PAK3: variants seen among roughly 807,000 people sequenced by gnomAD.
The protein encoded by PAK3 is p21 (RAC1) activated kinase 3, also known as serine/threonine-protein kinase PAK 3.
A neutral mutation model predicts 41.0 loss-of-function variants in PAK3; 4 were observed. That is an observed-to-expected ratio of 0.10 (90% CI 0.05 to 0.22). The LOEUF is 0.22. Among genes scored for constraint, PAK3 ranks in the 10% least tolerant of loss-of-function variants. PAK3 has a pLI of 1.00. For missense variants in PAK3, 205 were observed against 409.9 expected (o/e 0.50, Z 4.32); for synonymous variants, 146 against 139.6 (o/e 1.05, Z -0.32).
Position 111,217,863 on chromosome X carries a change from T to G in PAK3, c.1545+1305T>G, listed in dbSNP as rs192957496. Among the ~76,000 whole-genome samples the G allele has an allele frequency of 3.7e-3, 412 of 112,417 alleles. 3 individuals carry two copies. The highest frequency in any genetic ancestry group is 5.0e-3 in the Non-Finnish European group (267 of 53,308). On this transcript the variant is annotated intron_variant, in intron 17 of 17. Coordinates refer to ENST00000372007, the MANE Select transcript of PAK3 (RefSeq NM_002578.5). ...TCTTATATCTTCTTGTAAGGATAAT[T>G]GAAGGTGTAGGTTATCTTCAATTGG...
intron 1 of PAK3, among the ~76,000 whole-genome samples, chrX:111,006,821 C>CTTTA (rs1202271402): frequency 8.4e-5 from 1 of 11,925 alleles, no homozygotes; most frequent in Non-Finnish European, 4.1e-4. Flanking sequence ...CCCTTTCTTT[C>CTTTA]TTTCTTTCTT....
intron 11 of PAK3, among the ~76,000 whole-genome samples, chrX:111,187,275 A>G (rs959135516): frequency 2.7e-5 from 3 of 111,801 alleles, no homozygotes; most frequent in Non-Finnish European, 5.6e-5. Flanking sequence ...AACATCAAAT[A>G]TCTTGAAAAC....
intron 4 of PAK3, among the ~76,000 whole-genome samples, chrX:111,108,251 A>G (rs965547612): frequency 6.0e-4 from 67 of 112,322 alleles, no homozygotes; most frequent in African/African-American, 2.2e-3. Context: ...GGGCTGTGCC[A>G]TATTCCCAGA....
chrX:111,209,722 A>G (rs2094798464), intron 16 of PAK3, among the ~76,000 whole-genome samples: 1 of 112,102 alleles, frequency 8.9e-6, no homozygotes, highest in Non-Finnish European at 1.9e-5. Flanking sequence ...TTGTTTTCTA[A>G]TTTCTTAACT....
chrX:111,157,911 C>T (rs1001347170), intron 8 of PAK3, among the ~76,000 whole-genome samples: 1 of 112,031 alleles, frequency 8.9e-6, no homozygotes, highest in Non-Finnish European at 1.9e-5. Context: ...ATCCATCTAT[C>T]TATATTTCTG....
intron 1 of PAK3, among the ~76,000 whole-genome samples, chrX:111,017,902 A>T (rs2092115049): frequency 9.0e-6 from 1 of 111,497 alleles, no homozygotes; most frequent in South Asian, 3.7e-4. Flanking sequence ...AGTGGGATTT[A>T]TTCCTCAAAT....
intron 1 of PAK3, among the ~76,000 whole-genome samples, chrX:110,997,330 T>C (rs767620928): frequency 2.7e-4 from 30 of 111,244 alleles, no homozygotes; most frequent in Non-Finnish European, 5.5e-4. Flanking sequence ...CTATATATGG[T>C]ATGTTGAGAA....
chrX:111,160,703 G>A (rs1354913973), intron 8 of PAK3, among the ~76,000 whole-genome samples: 1 of 111,249 alleles, frequency 9.0e-6, no homozygotes, highest in Non-Finnish European at 1.9e-5. Context: ...ACCTATGAGT[G>A]AGAACATGTG....
At chrX:111,192,764 T>C in intron 13 of PAK3, 146 bp downstream of exon 13, 1 of 443,457 alleles carries the variant, frequency 2.3e-6, no homozygotes, top group Non-Finnish European at 4.0e-6. Context: ...GATCTATTGC[T>C]AAACTTGCAC....
At chrX:111,055,886 T>C (rs1353565932) in intron 1 of PAK3, among the ~76,000 whole-genome samples, 1 of 111,731 alleles carries the variant, frequency 9.0e-6, no homozygotes, top group African/African-American at 3.3e-5. Flanking sequence ...AAACAGCCTA[T>C]GAACAGACCA....
intron 4 of PAK3, among the ~76,000 whole-genome samples, chrX:111,110,804 T>G (rs2093357135): frequency 8.9e-6 from 1 of 112,369 alleles, no homozygotes. Context: ...ACATGAGAAT[T>G]ATAAGACATC....
intron 1 of PAK3, among the ~76,000 whole-genome samples, chrX:111,010,499 T>C (rs1234561315): frequency 8.9e-6 from 1 of 111,808 alleles, no homozygotes; most frequent in Non-Finnish European, 1.9e-5. Context: ...TGGGGTCTTA[T>C]GGGAGGTGAT....
In PAK3 at chrX:111,084,626, A is replaced by T. The variant is rs373275327; in HGVS notation, c.-27-38451A>T. Among the ~76,000 whole-genome samples the T allele has an allele frequency of 2.7e-4, 30 of 111,703 alleles. 1 individual carries two copies. The South Asian group carries it at 0.011, about 42-fold the overall frequency. On this transcript the variant is annotated intron_variant, in intron 1 of 14. Transcript: ENST00000425146. ...TCCCTTGCTGCGATGTGGATGGATG[A>T]CACCCATTTTTTTTCTAGTTAAGCA...
At chrX:111,152,357 G>T in intron 7 of PAK3, 53 bp from the exon 8 acceptor site, 2 of 857,234 alleles carry the variant, frequency 2.3e-6, no homozygotes, top group South Asian at 2.1e-5. Flanking sequence ...TGTGGTCTCT[G>T]AATGAAACAT....
chrX:111,079,222 A>G (rs1273136484), intron 1 of PAK3, among the ~76,000 whole-genome samples: 1 of 112,149 alleles, frequency 8.9e-6, no homozygotes, highest in Non-Finnish European at 1.9e-5. Context: ...CTATTGGGAG[A>G]AGATGCCATC....
chrX:111,164,740 T>C (rs150225819), intron 10 of PAK3, among the ~76,000 whole-genome samples: 1 of 112,339 alleles, frequency 8.9e-6, no homozygotes, highest in Non-Finnish European at 1.9e-5. Context: ...CCTACTTGTC[T>C]GTTCTGTGCA....
chrX:110,958,302 G>C (rs1032089828), intron 1 of PAK3, among the ~76,000 whole-genome samples: 2 of 111,867 alleles, frequency 1.8e-5, no homozygotes, highest in Non-Finnish European at 3.8e-5. Context: ...AGCCAATGAA[G>C]TAGAATCAGT....
At chrX:111,050,821 A>G (rs2092550485) in intron 1 of PAK3, among the ~76,000 whole-genome samples, 3 of 112,516 alleles carry the variant, frequency 2.7e-5, no homozygotes, top group African/African-American at 9.7e-5. Flanking sequence ...AAGAGCATAT[A>G]ATAGGTCCCT....
At chrX:111,096,994 T>G (rs2093012426) in intron 1 of PAK3, among the ~76,000 whole-genome samples, 1 of 109,325 alleles carries the variant, frequency 9.1e-6, no homozygotes, top group African/African-American at 3.3e-5. Flanking sequence ...CTCCCCTTTT[T>G]TTGGTGGGGG....
Sources: gnomAD v4.1 joint callset for allele counts (sites outside exome capture counted in the v4.1 genomes callset) on GRCh38, gnomAD v4.1.1 for gene constraint, MANE v1.5 for transcripts, NCBI Gene and HGNC (gene_info 2026-07-23, HGNC 2026-07-21) for gene names.